Variants in PRP4K observed in about 807,000 individuals in gnomAD.
The protein encoded by PRP4K is serine/threonine-protein kinase PRP4 homolog.
chr6:4,031,022 T>G, the PRP4K span, among the ~76,000 whole-genome samples: 2 of 152,210 alleles, frequency 1.3e-5, no homozygotes, highest in African/African-American at 4.8e-5. Flanking sequence ...TTTTAAGGTA[T>G]AAGATGAAAT....
the PRP4K span, among the ~76,000 whole-genome samples, chr6:4,059,959 A>G: frequency 6.6e-6 from 1 of 152,188 alleles, no homozygotes; most frequent in Non-Finnish European, 1.5e-5. Context: ...GTTGGCATCA[A>G]CTTTTTCATT....
At chr6:4,035,264 T>G in the PRP4K span, among the ~76,000 whole-genome samples, 1 of 142,670 alleles carries the variant, frequency 7.0e-6, no homozygotes, top group Admixed American at 7.2e-5. Context: ...ACTACAGGTG[T>G]GCGCCACCAC....
chr6:4,048,927 T>C, the PRP4K span: 1 of 758,816 alleles, frequency 1.3e-6, no homozygotes, highest in South Asian at 2.1e-5. Flanking sequence ...TATTAAATTA[T>C]ATCTGGTGTT....
the PRP4K span, among the ~76,000 whole-genome samples, chr6:4,022,457 T>TC: frequency 4.1e-5 from 3 of 73,424 alleles, no homozygotes; most frequent in Non-Finnish European, 8.2e-5. Context: ...GCGACCGTTT[T>TC]TTTTTTTTGT....
the PRP4K span, among the ~76,000 whole-genome samples, chr6:4,034,949 G>A: frequency 2.0e-5 from 3 of 152,012 alleles, no homozygotes; most frequent in African/African-American, 7.3e-5. Flanking sequence ...CTGACCTCGT[G>A]ATCCGCCCAC....
At chr6:4,044,547 A>G in the PRP4K span, among the ~76,000 whole-genome samples, 3 of 152,206 alleles carry the variant, frequency 2.0e-5, no homozygotes, top group South Asian at 4.1e-4. Flanking sequence ...ATTTGGTGTC[A>G]TTATGTGCTT....
At chr6:4,021,663 G>C in the PRP4K span, among the ~76,000 whole-genome samples, 1 of 152,306 alleles carries the variant, frequency 6.6e-6, no homozygotes, top group African/African-American at 2.4e-5. Context: ...TGGCTGCTGG[G>C]GTGAAGGCGG....
chr6:4,056,545 C>G, the PRP4K span: 1 of 1,602,426 alleles, frequency 6.2e-7, no homozygotes, highest in Admixed American at 1.7e-5. Flanking sequence ...CGAGTTCATT[C>G]ATGAGGAAGG....
At chr6:4,036,410 T>G in the PRP4K span, among the ~76,000 whole-genome samples, 2,651 of 152,210 alleles carry the variant, frequency 0.017, 89 homozygotes, top group African/African-American at 0.06. Flanking sequence ...TTTGTAGAGA[T>G]AGGGTTTCGC....
the PRP4K span, among the ~76,000 whole-genome samples, chr6:4,051,125 G>C: frequency 1.3e-5 from 2 of 151,942 alleles, no homozygotes; most frequent in Non-Finnish European, 2.9e-5. Context: ...GGCCAGGCTG[G>C]TCTTGAACTC....
the PRP4K span, among the ~76,000 whole-genome samples, chr6:4,053,193 GTTGCTGT>G: frequency 6.6e-6 from 1 of 152,080 alleles, no homozygotes; most frequent in Non-Finnish European, 1.5e-5. Context: ...TGCTGCACAT[GTTGCTGT>G]TTTGAAATAA....
the PRP4K span, among the ~76,000 whole-genome samples, chr6:4,036,394 A>G: frequency 6.6e-6 from 1 of 152,014 alleles, no homozygotes; most frequent in South Asian, 2.1e-4. Context: ...GCTAATTTTG[A>G]TATTTTTTGT....
the PRP4K span, chr6:4,021,325 C>T: frequency 5.4e-6 from 8 of 1,485,766 alleles, no homozygotes; most frequent in Non-Finnish European, 7.3e-6. Context: ...CCTACACGGT[C>T]GGCACATGCG....
At chr6:4,053,233 T>C in the PRP4K span, among the ~76,000 whole-genome samples, 1 of 152,218 alleles carries the variant, frequency 6.6e-6, no homozygotes, top group Non-Finnish European at 1.5e-5. Flanking sequence ...CTCTTCTGTT[T>C]GCTAATTTTA....
At chr6:4,037,458 A>G in the PRP4K span, 2 of 1,614,082 alleles carry the variant, frequency 1.2e-6, no homozygotes, top group South Asian at 1.1e-5. Context: ...CAGCCCCATC[A>G]ATAGATGGTC....
chr6:4,045,806 A>G, the PRP4K span, among the ~76,000 whole-genome samples: 1 of 152,202 alleles, frequency 6.6e-6, no homozygotes, highest in Admixed American at 6.5e-5. Context: ...TTTTAAAATC[A>G]TTTGAAATCT....
At chr6:4,039,956 A>G in the PRP4K span, among the ~76,000 whole-genome samples, 2 of 151,082 alleles carry the variant, frequency 1.3e-5, no homozygotes, top group Non-Finnish European at 2.9e-5. Flanking sequence ...GCTGGAGTGC[A>G]GTGTGATCAC....
the PRP4K span, chr6:4,049,590 G>A: frequency 1.3e-6 from 1 of 775,140 alleles, no homozygotes; most frequent in East Asian, 2.7e-5. Context: ...GATCAGTGGA[G>A]GCATGGCTTT....
At chr6:4,029,941 T>TC in the PRP4K span, among the ~76,000 whole-genome samples, 4 of 150,192 alleles carry the variant, frequency 2.7e-5, no homozygotes, top group South Asian at 2.1e-4. Flanking sequence ...TTTCTTTCTT[T>TC]TTTTTTTTTT....
Sources: gnomAD v4.1 joint callset for allele counts (sites outside exome capture counted in the v4.1 genomes callset) on GRCh38, gnomAD v4.1.1 for gene constraint, MANE v1.5 for transcripts, NCBI Gene and HGNC (gene_info 2026-07-23, HGNC 2026-07-21) for gene names.